TMEM132C: variants seen among roughly 807,000 people sequenced by gnomAD.
The protein encoded by TMEM132C is transmembrane protein 132C, also known as protein phosphatase 1, regulatory subunit 152.
A neutral mutation model predicts 61.4 loss-of-function variants in TMEM132C; 29 were observed. That is an observed-to-expected ratio of 0.47 (90% confidence interval 0.35 to 0.64). The LOEUF (loss-of-function observed/expected upper bound fraction) is 0.64, where lower values mean the gene tolerates loss of function less well. Among genes scored for constraint, TMEM132C ranks in the 30% least tolerant of loss-of-function variants. TMEM132C has a pLI of 0.00. For missense variants in TMEM132C, 1,408 were observed against 1,476.9 expected (o/e 0.95, Z 0.76); for synonymous variants, 656 against 633.1 (o/e 1.04, Z -0.54).
chr12:128,463,045 T>C (rs1262302214), intron 2 of TMEM132C, among the ~76,000 whole-genome samples: 1 of 152,124 alleles, frequency 6.6e-6, no homozygotes, highest in African/African-American at 2.4e-5. Context: ...GACTCCAAGC[T>C]GACATTCAAG....
At chr12:128,653,776 G>A (rs184785835) in intron 4 of TMEM132C, among the ~76,000 whole-genome samples, 4 of 152,320 alleles carry the variant, frequency 2.6e-5, no homozygotes, top group South Asian at 2.1e-4. Context: ...GGTGAGGTGC[G>A]AGGTGGCCCA....
intron 2 of TMEM132C, among the ~76,000 whole-genome samples, chr12:128,493,646 CTGTT>C (rs1306054592): frequency 2.6e-5 from 4 of 152,152 alleles, no homozygotes; most frequent in African/African-American, 7.2e-5. Context: ...TTTTGGCTCT[CTGTT>C]TGTCTGTTAT....
chr12:128,370,107 G>A (rs1873985036), intron 1 of TMEM132C, among the ~76,000 whole-genome samples: 1 of 152,140 alleles, frequency 6.6e-6, no homozygotes, highest in South Asian at 2.1e-4. Context: ...ACCATTTCAT[G>A]GAACAAATCC....
intron 8 of TMEM132C, among the ~76,000 whole-genome samples, chr12:128,703,214 G>A (rs574787200): frequency 2.6e-4 from 40 of 152,164 alleles, no homozygotes; most frequent in African/African-American, 9.4e-4. Flanking sequence ...TTGTGTCATG[G>A]GGGTTGGTTG....
At chr12:128,548,915 A>G (rs534411549) in intron 3 of TMEM132C, among the ~76,000 whole-genome samples, 38 of 152,216 alleles carry the variant, frequency 2.5e-4, no homozygotes, top group Non-Finnish European at 4.3e-4. Flanking sequence ...GAGGATGCGC[A>G]TAGGTTGTAT....
At chr12:128,428,937 A>G (rs1008724377) in intron 2 of TMEM132C, among the ~76,000 whole-genome samples, 3 of 152,192 alleles carry the variant, frequency 2.0e-5, no homozygotes, top group Admixed American at 6.5e-5. Flanking sequence ...TCCATTTTCA[A>G]TGCATTATTA....
Position 128,558,205 on chromosome 12 carries a change from C to T in TMEM132C, c.1121+14102C>T, listed in dbSNP as rs146830527. Among the ~76,000 whole-genome samples, 272 of 152,270 alleles carry T rather than the reference C, an allele frequency of 1.8e-3. 2 individuals are homozygous for T. Among genetic ancestry groups the T allele is most frequent in the Non-Finnish European group, 3.1e-3 (214 of 68,028 alleles). Reference sequence around the variant, plus strand: ...TTACACAGTGGTACAGAATATCTTGCATTATAATTGTGGCAGAGACACAGC... The same window carrying T: ...TTACACAGTGGTACAGAATATCTTGTATTATAATTGTGGCAGAGACACAGC... On this transcript the variant is annotated intron_variant, in intron 3 of 8. Coordinates refer to ENST00000435159, the MANE Select transcript of TMEM132C (RefSeq NM_001136103.3).
intron 1 of TMEM132C, among the ~76,000 whole-genome samples, chr12:128,378,813 C>T (rs74456514): frequency 1.3e-5 from 2 of 152,132 alleles, no homozygotes; most frequent in Non-Finnish European, 1.5e-5. Flanking sequence ...TCCCACGTAT[C>T]GTGGGAGGGA....
At chr12:128,665,295 A>G (rs549888787) in intron 4 of TMEM132C, among the ~76,000 whole-genome samples, 3 of 135,868 alleles carry the variant, frequency 2.2e-5, no homozygotes, top group African/African-American at 1.1e-4. Flanking sequence ...ACAGGCACTC[A>G]CACATACACA....
intron 4 of TMEM132C, among the ~76,000 whole-genome samples, chr12:128,620,232 CAAAAAA>C (rs386378194): frequency 1.6e-5 from 1 of 61,992 alleles, no homozygotes; most frequent in Admixed American, 2.0e-4. Context: ...GACCCTGTCT[CAAAAAA>C]AAAAAAAAAA....
intron 1 of TMEM132C, among the ~76,000 whole-genome samples, chr12:128,333,927 TG>T (rs1872729955): frequency 6.6e-6 from 1 of 151,622 alleles, no homozygotes; most frequent in East Asian, 1.9e-4. Context: ...TTGTTGTGTG[TG>T]TATGTATGAG....
chr12:128,702,631 G>GCTTTGT (rs1954812067), intron 8 of TMEM132C, among the ~76,000 whole-genome samples: 1 of 152,192 alleles, frequency 6.6e-6, no homozygotes, highest in Non-Finnish European at 1.5e-5. Flanking sequence ...TCTGAAGGAG[G>GCTTTGT]TTGTATTTGC....
At chr12:128,558,433 C>T (rs1056594265) in intron 3 of TMEM132C, among the ~76,000 whole-genome samples, 1 of 152,166 alleles carries the variant, frequency 6.6e-6, no homozygotes, top group African/African-American at 2.4e-5. Flanking sequence ...TGGCAGTTCC[C>T]CTGCACATGC....
intron 5 of TMEM132C, among the ~76,000 whole-genome samples, chr12:128,692,254 C>G (rs991740097): frequency 1.3e-5 from 2 of 152,248 alleles, no homozygotes; most frequent in African/African-American, 2.4e-5. Context: ...GTGCATTCAT[C>G]CATCTGTTCA....
intron 5 of TMEM132C, among the ~76,000 whole-genome samples, chr12:128,683,767 G>A (rs1954653318): frequency 6.6e-6 from 1 of 152,130 alleles, no homozygotes; most frequent in South Asian, 2.1e-4. Flanking sequence ...AGGAGTTCGA[G>A]ACCAGCCTGA....
chr12:128,367,606 T>C (rs767778405), intron 1 of TMEM132C, among the ~76,000 whole-genome samples: 27 of 152,142 alleles, frequency 1.8e-4, no homozygotes, highest in Non-Finnish European at 3.8e-4. Flanking sequence ...AGTGGCCATT[T>C]CCCAGTGATT....
At chr12:128,545,347 C>T (rs1470839442) in intron 3 of TMEM132C, among the ~76,000 whole-genome samples, 1 of 152,076 alleles carries the variant, frequency 6.6e-6, no homozygotes, top group Non-Finnish European at 1.5e-5. Context: ...GGATGTATAC[C>T]AGATTTTCTT....
rs79061669 is a variant in TMEM132C, at chr12:128,397,026, G to A, written c.86-17706G>A. On this transcript the variant is annotated intron_variant, in intron 1 of 8. Transcript: ENST00000435159. ...TGACCAGGGAGCATCTTAGGTCAGC[G>A]GATGGCACTCAGAGGCTTCAGTGCC... Among the ~76,000 whole-genome samples, 333 of 152,260 alleles carry A rather than the reference G, an allele frequency of 2.2e-3. 4 individuals carry two copies. The highest frequency in any genetic ancestry group is 4.6e-3 in the African/African-American group (192 of 41,536).
chr12:128,325,801 A>C (rs542244941), intron 1 of TMEM132C, among the ~76,000 whole-genome samples: 7 of 152,204 alleles, frequency 4.6e-5, no homozygotes, highest in Non-Finnish European at 8.8e-5. Context: ...TGGAAGGATC[A>C]CCAGCAACCC....
Sources: allele counts gnomAD v4.1 joint callset (sites outside exome capture counted in the v4.1 genomes callset), GRCh38; gene constraint gnomAD v4.1.1; transcripts MANE v1.5; gene names NCBI Gene and HGNC (gene_info 2026-07-23, HGNC 2026-07-21).